Variants in PAWR observed in about 807,000 individuals in gnomAD.
The protein encoded by PAWR is PRKC apoptosis WT1 regulator protein.
A neutral mutation model predicts 32.0 loss-of-function variants in PAWR; 23 were observed. The ratio of observed to expected loss-of-function variants is 0.72; its 90% CI spans 0.52 to 1.02. PAWR has a LOEUF of 1.02. Among genes scored for constraint, PAWR ranks in the 50% least tolerant of loss-of-function variants. The probability of loss-of-function intolerance (pLI) is 0.00; values close to 1 mark genes in which losing one functional copy is unlikely to be tolerated. For synonymous variants in PAWR, 226 were observed against 187.1 expected (o/e 1.21, Z -1.70); for missense variants, 457 against 437.7 (o/e 1.04, Z -0.39).
At chr12:79,680,846 G>A (rs555708819) in intron 2 of PAWR, among the ~76,000 whole-genome samples, 23 of 152,204 alleles carry the variant, frequency 1.5e-4, no homozygotes, top group African/African-American at 5.1e-4. Flanking sequence ...ACCAGGTGGA[G>A]TGGCTCACAC....
At chr12:79,596,727 A>C in intron 4 of PAWR, 69 bp from the exon 5 acceptor site, 1 of 1,026,932 alleles carries the variant, frequency 9.7e-7, no homozygotes, top group Non-Finnish European at 1.4e-6. Context: ...AATATTTTCT[A>C]TTGAGCTTAA....
At chr12:79,658,448 C>T (rs1313187601) in intron 2 of PAWR, among the ~76,000 whole-genome samples, 1 of 152,078 alleles carries the variant, frequency 6.6e-6, no homozygotes, top group South Asian at 2.1e-4. Context: ...TTCCTCTTAT[C>T]GGACAACCAA....
At chr12:79,597,039 A>G (rs917489424) in intron 4 of PAWR, 14 of 161,784 alleles carry the variant, frequency 8.7e-5, no homozygotes, top group Non-Finnish European at 1.7e-4. Flanking sequence ...CTACGATAGG[A>G]CAGATCTCCC....
chr12:79,678,265 G>C (rs918180833), intron 2 of PAWR, among the ~76,000 whole-genome samples: 1 of 152,168 alleles, frequency 6.6e-6, no homozygotes. Flanking sequence ...AAACAGATAT[G>C]GACAGAGGAA....
chr12:79,690,422 G>A, intron 1 of PAWR, 31 bp from the exon 2 acceptor site: 2 of 1,293,066 alleles, frequency 1.5e-6, no homozygotes, highest in Non-Finnish European at 9.9e-7. Context: ...GGGCGGGTAA[G>A]GGAAGCGTAA....
In PAWR at chr12:79,586,717, T is replaced by C. The variant is rs754838821; in HGVS notation, c.*5890A>G. The C allele has an allele frequency of 2.0e-5, 3 of 152,206 alleles. No homozygotes were observed. Among genetic ancestry groups the C allele is most frequent in the East Asian group, 1.9e-4 (1 of 5,200 alleles). The allele number at this position is 152,206 out of a possible 1,614,324, so 9.4% of individuals were successfully genotyped here. ...TACTGTTTTCATGTTGTTCAACTAT[T>C]TGACACAAAAGGAGCTTTTTCCTTT... On this transcript the variant is annotated 3_prime_UTR_variant, in exon 7 of 7. Coordinates refer to ENST00000328827, the MANE Select transcript of PAWR (RefSeq NM_002583.4).
intron 4 of PAWR, among the ~76,000 whole-genome samples, chr12:79,605,557 T>C (rs774953509): frequency 3.8e-4 from 57 of 151,792 alleles, no homozygotes; most frequent in Non-Finnish European, 7.9e-4. Context: ...CTAAGCAATA[T>C]GAAAAATTTC....
intron 6 of PAWR, among the ~76,000 whole-genome samples, chr12:79,593,628 C>G (rs1873636680): frequency 6.7e-6 from 1 of 150,010 alleles, no homozygotes; most frequent in Admixed American, 6.6e-5. Flanking sequence ...CCACTGAACT[C>G]CAGCCTGGGC....
At chr12:79,625,687 G>A (rs1467064940) in intron 2 of PAWR, among the ~76,000 whole-genome samples, 1 of 152,080 alleles carries the variant, frequency 6.6e-6, no homozygotes, top group East Asian at 1.9e-4. Context: ...GGCCGTGGTG[G>A]TGGGCACCTG....
At chr12:79,674,684 T>G (rs1878074584) in intron 2 of PAWR, among the ~76,000 whole-genome samples, 1 of 151,752 alleles carries the variant, frequency 6.6e-6, no homozygotes, top group African/African-American at 2.4e-5. Context: ...GTCCAGAATC[T>G]ACAGGGACCT....
intron 2 of PAWR, among the ~76,000 whole-genome samples, chr12:79,664,662 G>GA (rs375870355): frequency 6.8e-6 from 1 of 146,322 alleles, no homozygotes; most frequent in Admixed American, 6.7e-5. Context: ...CTTTGGCGGG[G>GA]GGGGGAGGAG....
chr12:79,650,883 C>A (rs1448797169), intron 2 of PAWR, among the ~76,000 whole-genome samples: 1 of 152,164 alleles, frequency 6.6e-6, no homozygotes, highest in East Asian at 1.9e-4. Context: ...CAAAGGCAGA[C>A]CTTTATACTG....
rs941771977 is a variant in PAWR at position 79,587,862 on chromosome 12, A to G, written c.*4745T>C. The G allele has an allele frequency of 6.6e-6, 1 of 151,862 alleles. No individual in the cohort carries two copies. The highest frequency in any genetic ancestry group is 2.4e-5 in the African/African-American group (1 of 41,440). The allele number at this position is 151,862 out of a possible 1,614,324, so 9.4% of individuals were successfully genotyped here. Reference sequence around the variant, plus strand: ...GCAAATTGAAAGTGAATCTATATTAAGTTGACTATTCCACAATAAAAACCT... The same window carrying G: ...GCAAATTGAAAGTGAATCTATATTAGGTTGACTATTCCACAATAAAAACCT... On this transcript the variant is annotated 3_prime_UTR_variant, in exon 7 of 7. Coordinates refer to ENST00000328827, the MANE Select transcript of PAWR (RefSeq NM_002583.4).
chr12:79,596,856 C>T, intron 4 of PAWR, 198 bp from the exon 5 acceptor site: 1 of 498,574 alleles, frequency 2.0e-6, no homozygotes, highest in Non-Finnish European at 3.5e-6. Context: ...TTCTTTCGAC[C>T]AATATCTACT....
chr12:79,654,323 A>T (rs1404584438), intron 2 of PAWR, among the ~76,000 whole-genome samples: 4 of 152,224 alleles, frequency 2.6e-5, no homozygotes. Context: ...ACAATGAGGC[A>T]GTACATGTGA....
chr12:79,630,313 A>T (rs974122104), intron 2 of PAWR, among the ~76,000 whole-genome samples: 65 of 129,560 alleles, frequency 5.0e-4, no homozygotes, highest in Admixed American at 1.5e-3. Flanking sequence ...ATATATATAT[A>T]TATTTTTTTT....
chr12:79,664,214 A>G (rs1220039343), intron 2 of PAWR, among the ~76,000 whole-genome samples: 1 of 152,188 alleles, frequency 6.6e-6, no homozygotes, highest in Non-Finnish European at 1.5e-5. Context: ...AAGGGTTGAG[A>G]CTGCAACTAG....
At chr12:79,610,259 G>C (rs1874373961) in intron 4 of PAWR, among the ~76,000 whole-genome samples, 1 of 152,226 alleles carries the variant, frequency 6.6e-6, no homozygotes, top group South Asian at 2.1e-4. Context: ...GCTTGGTTGA[G>C]CTGGGTAAGG....
At chr12:79,662,139 TAGG>T (rs1200698304) in intron 2 of PAWR, among the ~76,000 whole-genome samples, 4 of 136,152 alleles carry the variant, frequency 2.9e-5, no homozygotes, top group East Asian at 2.1e-4. Flanking sequence ...GAGGCTGAGG[TAGG>T]AGGTTTACTT....
Sources: gnomAD v4.1 joint callset for allele counts (sites outside exome capture counted in the v4.1 genomes callset) on GRCh38, gnomAD v4.1.1 for gene constraint, MANE v1.5 for transcripts, NCBI Gene and HGNC (gene_info 2026-07-23, HGNC 2026-07-21) for gene names.